GALNT13: variants seen among roughly 807,000 people sequenced by gnomAD.
GALNT13 encodes polypeptide N-acetylgalactosaminyltransferase 13, also known as UDP-GalNAc:polypeptide N-acetylgalactosaminyltransferase 13.
In GALNT13, 28 loss-of-function variants were observed where a neutral mutation model predicts 64.2. The observed-to-expected ratio is 0.44, with a 90% CI of 0.32 to 0.60. GALNT13 has a LOEUF of 0.60. Ranked by LOEUF, GALNT13 falls within the 20% of genes least tolerant of loss-of-function variation. GALNT13 has a pLI of 0.05. For missense variants in GALNT13, 577 were observed against 669.8 expected (o/e 0.86, Z 1.53); for synonymous variants, 214 against 224.6 (o/e 0.95, Z 0.42).
the GALNT13 span, among the ~76,000 whole-genome samples, chr2:153,814,944 T>TA: frequency 6.6e-6 from 1 of 152,202 alleles, no homozygotes; most frequent in Non-Finnish European, 1.5e-5. Flanking sequence ...TGTTGAGACA[T>TA]CTTTAACTGT....
intron 3 of GALNT13, among the ~76,000 whole-genome samples, chr2:154,024,036 G>A (rs1197395788): frequency 6.6e-6 from 1 of 152,196 alleles, no homozygotes; most frequent in Admixed American, 6.5e-5. Flanking sequence ...ACTCTCTTCT[G>A]GCTTGTAGAG....
the GALNT13 span, among the ~76,000 whole-genome samples, chr2:153,156,185 G>A: frequency 2.6e-5 from 4 of 152,148 alleles, no homozygotes; most frequent in Non-Finnish European, 4.4e-5. Context: ...AGGGCCATGT[G>A]GCCATGAGAA....
chr2:153,959,288 C>T (rs1437522914), intron 3 of GALNT13, among the ~76,000 whole-genome samples: 2 of 152,124 alleles, frequency 1.3e-5, no homozygotes, highest in Non-Finnish European at 2.9e-5. Context: ...CAGGGGGCAG[C>T]CAACAGTGAA....
At chr2:154,246,042 TAG>T (rs1200544164) in intron 7 of GALNT13, 60 bp downstream of exon 7, 2 of 1,148,320 alleles carry the variant, frequency 1.7e-6, no homozygotes, top group Non-Finnish European at 2.5e-6. Flanking sequence ...AGGAATATTA[TAG>T]ATTTCTGTTC....
At chr2:154,126,325 C>A (rs187393321) in intron 3 of GALNT13, among the ~76,000 whole-genome samples, 1 of 152,080 alleles carries the variant, frequency 6.6e-6, no homozygotes, top group East Asian at 1.9e-4. Flanking sequence ...ATATTCAAAA[C>A]ATGTTTGTGC....
chr2:153,770,014 C>T, the GALNT13 span, among the ~76,000 whole-genome samples: 128 of 152,136 alleles, frequency 8.4e-4, no homozygotes, highest in Non-Finnish European at 1.4e-3. Context: ...TCTCTTTAAT[C>T]TCATTTAGCT....
At chr2:154,421,613 TC>T (rs1446886889) in intron 11 of GALNT13, among the ~76,000 whole-genome samples, 3 of 151,284 alleles carry the variant, frequency 2.0e-5, no homozygotes, top group Non-Finnish European at 3.0e-5. Flanking sequence ...TTTTTCCAAA[TC>T]TATTCTTAAC....
At chr2:153,896,003 TTGTA>T (rs1232842324) in intron 1 of GALNT13, among the ~76,000 whole-genome samples, 1 of 149,110 alleles carries the variant, frequency 6.7e-6, no homozygotes, top group African/African-American at 2.5e-5. Flanking sequence ...ATAAAATAGT[TTGTA>T]TGATATAATT....
At chr2:153,537,573 G>T in the GALNT13 span, among the ~76,000 whole-genome samples, 2 of 152,064 alleles carry the variant, frequency 1.3e-5, no homozygotes, top group Non-Finnish European at 2.9e-5. Flanking sequence ...TCTGTGACTT[G>T]TATGGTTTGG....
intron 4 of GALNT13, among the ~76,000 whole-genome samples, chr2:154,157,512 C>T (rs1684491980): frequency 6.6e-6 from 1 of 152,168 alleles, no homozygotes; most frequent in South Asian, 2.1e-4. Context: ...CTTCTTTAAT[C>T]AGTTTTCTCT....
chr2:153,078,913 T>TA, the GALNT13 span, among the ~76,000 whole-genome samples: 312 of 152,318 alleles, frequency 2.0e-3, no homozygotes, highest in African/African-American at 6.3e-3. Flanking sequence ...AGAATAAACT[T>TA]ACTTAGTCAT....
At chr2:153,495,259 C>T in the GALNT13 span, among the ~76,000 whole-genome samples, 2 of 151,956 alleles carry the variant, frequency 1.3e-5, no homozygotes, top group Non-Finnish European at 2.9e-5. Flanking sequence ...GTTAGACATT[C>T]ACCTACTATA....
chr2:154,111,266 G>A (rs557892949), intron 3 of GALNT13, among the ~76,000 whole-genome samples: 6 of 152,306 alleles, frequency 3.9e-5, no homozygotes, highest in Admixed American at 3.9e-4. Flanking sequence ...TGGGACATTT[G>A]TAGTCCTGCC....
At chr2:153,875,869 C>T (rs1056253458) in intron 1 of GALNT13, among the ~76,000 whole-genome samples, 3 of 152,106 alleles carry the variant, frequency 2.0e-5, no homozygotes, top group Non-Finnish European at 4.4e-5. Flanking sequence ...CCTTATTAGA[C>T]ATGATATTTT....
intron 1 of GALNT13, among the ~76,000 whole-genome samples, chr2:153,880,264 A>G (rs1256041745): frequency 6.6e-6 from 1 of 152,148 alleles, no homozygotes; most frequent in East Asian, 1.9e-4. Flanking sequence ...ATCACTTGTG[A>G]AAACTGATGT....
intron 2 of GALNT13, among the ~76,000 whole-genome samples, chr2:153,904,227 A>T (rs1402971716): frequency 6.6e-6 from 1 of 151,824 alleles, no homozygotes; most frequent in East Asian, 1.9e-4. Context: ...TGTATTGTTG[A>T]TGGACATTTG....
At chr2:153,726,956 AC>A in the GALNT13 span, among the ~76,000 whole-genome samples, 30 of 150,494 alleles carry the variant, frequency 2.0e-4, no homozygotes, top group East Asian at 4.4e-3. Flanking sequence ...AAAAAAAAAA[AC>A]AAAAAAAAAA....
At chr2:153,315,292 T>G in the GALNT13 span, among the ~76,000 whole-genome samples, 1 of 152,198 alleles carries the variant, frequency 6.6e-6, no homozygotes, top group Non-Finnish European at 1.5e-5. Flanking sequence ...ATTTGGTGCC[T>G]GGCAAGGACC....
the GALNT13 span, among the ~76,000 whole-genome samples, chr2:153,169,973 T>A: frequency 3.3e-5 from 5 of 152,206 alleles, no homozygotes; most frequent in African/African-American, 1.2e-4. Context: ...CTTGGGAATA[T>A]GTTTGTTTAA....
Sources: allele counts gnomAD v4.1 joint callset (sites outside exome capture counted in the v4.1 genomes callset), GRCh38; gene constraint gnomAD v4.1.1; transcripts MANE v1.5; gene names NCBI Gene and HGNC (gene_info 2026-07-23, HGNC 2026-07-21).